The following FAM72B variants were observed in gnomAD, a reference collection of about 807,000 sequenced individuals.
FAM72B encodes protein FAM72B.
A neutral mutation model predicts 12.6 loss-of-function variants in FAM72B; 4 were observed. The ratio of observed to expected loss-of-function variants is 0.32; its 90% CI spans 0.16 to 0.73. The LOEUF (loss-of-function observed/expected upper bound fraction) is 0.73. Among genes scored for constraint, FAM72B ranks in the 30% least tolerant of loss-of-function variants. The probability of loss-of-function intolerance (pLI) is 0.67; values close to 1 mark genes in which losing one functional copy is unlikely to be tolerated. For missense variants in FAM72B, 61 were observed against 158.4 expected (o/e 0.39, Z 3.30); for synonymous variants, 13 against 53.9 (o/e 0.24, Z 3.32).
chr1:121,168,867 G>A (rs782496544), intron 3 of FAM72B, 32 bp from the exon 4 acceptor site: 2 of 1,588,812 alleles, frequency 1.3e-6, no homozygotes, highest in East Asian at 4.5e-5. Context: ...ATTCTTTAAT[G>A]CTTACTACTG....
At chr1:121,181,582 C>T (rs1654334096) in intron 1 of FAM72B, among the ~76,000 whole-genome samples, 1 of 149,174 alleles carries the variant, frequency 6.7e-6, no homozygotes, top group African/African-American at 2.5e-5. Flanking sequence ...TTTATCTGTT[C>T]ATCTGTAGAA....
At chr1:121,178,750 T>A (rs1356373427) in intron 2 of FAM72B, among the ~76,000 whole-genome samples, 1 of 151,896 alleles carries the variant, frequency 6.6e-6, no homozygotes, top group African/African-American at 2.4e-5. Context: ...CTAGCGAGGC[T>A]ACATCAGATC....
chr1:121,180,420 G>A (rs1460322507), intron 2 of FAM72B, among the ~76,000 whole-genome samples: 15 of 134,490 alleles, frequency 1.1e-4, no homozygotes, highest in Non-Finnish European at 1.7e-4. Context: ...ATGGTGGTGC[G>A]TGCATGTAAT....
At chr1:121,174,917 G>A (rs780898694) in intron 3 of FAM72B, among the ~76,000 whole-genome samples, 5 of 151,926 alleles carry the variant, frequency 3.3e-5, no homozygotes, top group Admixed American at 6.6e-5. Context: ...CAAAGTCCTG[G>A]GATTATAGGC....
chr1:121,173,098 A>G (rs1394817723), intron 3 of FAM72B, among the ~76,000 whole-genome samples: 5 of 151,028 alleles, frequency 3.3e-5, no homozygotes, highest in Non-Finnish European at 7.4e-5. Context: ...AAAAAGAATT[A>G]GTATTTCAGT....
chr1:121,168,667 C>T lies in FAM72B; in HGVS notation c.*74G>A, dbSNP rs1654021390. 1 of 1,204,442 alleles carries T rather than the reference C, an allele frequency of 8.3e-7. No homozygotes were observed. Among genetic ancestry groups the T allele is most frequent in the African/African-American group, 1.6e-5 (1 of 62,216 alleles). 74.6% of individuals were successfully genotyped at this position (1,204,442 alleles called of 1,614,324 possible). ...TCCAAAAAAGATCACTGGCAACTAACAATTTTAAAGTTGATCCATTAATAT... is the reference window on the plus strand; with the variant it reads ...TCCAAAAAAGATCACTGGCAACTAATAATTTTAAAGTTGATCCATTAATAT... On this transcript the variant is annotated 3_prime_UTR_variant, in exon 4 of 4. Coordinates refer to ENST00000369390, the MANE Select transcript of FAM72B (RefSeq NM_001100910.2).
intron 2 of FAM72B, among the ~76,000 whole-genome samples, chr1:121,179,890 T>A (rs1258381134): frequency 7.1e-6 from 1 of 141,254 alleles, no homozygotes; most frequent in Non-Finnish European, 1.5e-5. Flanking sequence ...CTTCATCTAG[T>A]TTTTGTTGTA....
chr1:121,172,591 C>T (rs1199886962), intron 3 of FAM72B, among the ~76,000 whole-genome samples: 10 of 144,532 alleles, frequency 6.9e-5, no homozygotes, highest in South Asian at 2.1e-4. Context: ...GGCAAAACCC[C>T]GTCCCTACTA....
intron 3 of FAM72B, among the ~76,000 whole-genome samples, chr1:121,174,884 G>C (rs1654179675): frequency 6.6e-6 from 1 of 151,818 alleles, no homozygotes; most frequent in Non-Finnish European, 1.5e-5. Context: ...TTGACCTCAG[G>C]TGATCCATCC....
chr1:121,176,721 A>T (rs1192543386), intron 3 of FAM72B, among the ~76,000 whole-genome samples: 1 of 150,178 alleles, frequency 6.7e-6, no homozygotes, highest in Non-Finnish European at 1.5e-5. Flanking sequence ...CCTTGACTAA[A>T]ATTCTGTCAT....
At chr1:121,174,455 C>T (rs1351190447) in intron 3 of FAM72B, among the ~76,000 whole-genome samples, 6 of 144,148 alleles carry the variant, frequency 4.2e-5, no homozygotes, top group African/African-American at 7.7e-5. Context: ...GCAACCTCCG[C>T]CTCCCGGGTT....
chr1:121,179,495 C>T (rs1654284510), intron 2 of FAM72B, among the ~76,000 whole-genome samples: 3 of 151,250 alleles, frequency 2.0e-5, no homozygotes, highest in South Asian at 2.1e-4. Context: ...ACCAGCCTGG[C>T]TAACATGGCG....
intron 3 of FAM72B, among the ~76,000 whole-genome samples, chr1:121,174,727 G>A (rs1305433363): frequency 1.4e-5 from 2 of 144,822 alleles, no homozygotes; most frequent in East Asian, 4.1e-4. Context: ...TGCGATCTCG[G>A]CTCACTTCAA....
At chr1:121,169,554 G>A (rs1209227039) in intron 3 of FAM72B, among the ~76,000 whole-genome samples, 1 of 151,934 alleles carries the variant, frequency 6.6e-6, no homozygotes, top group Non-Finnish European at 1.5e-5. Flanking sequence ...CCTCTTTGGA[G>A]GGTTCAGGGA....
exon 1 of FAM72B, chr1:121,184,336 GCCTCTCC>G: frequency 6.7e-6 from 1 of 149,144 alleles, no homozygotes; most frequent in Middle Eastern, 3.4e-3. Context: ...CGCTTTTCCT[GCCTCTCC>G]AACCCGGTAT....
chr1:121,174,696 G>A (rs1409855112), intron 3 of FAM72B, among the ~76,000 whole-genome samples: 3 of 146,946 alleles, frequency 2.0e-5, no homozygotes, highest in Admixed American at 6.8e-5. Flanking sequence ...TTCAGATGGA[G>A]TTTCACTCTT....
chr1:121,175,066 C>G (rs1163431149), intron 3 of FAM72B, among the ~76,000 whole-genome samples: 1 of 151,982 alleles, frequency 6.6e-6, no homozygotes, highest in African/African-American at 2.4e-5. Context: ...GGCTGAATCT[C>G]TTGTTAGAGG....
intron 3 of FAM72B, among the ~76,000 whole-genome samples, chr1:121,175,133 T>C (rs1230228862): frequency 9.2e-5 from 14 of 152,184 alleles, no homozygotes; most frequent in Non-Finnish European, 1.5e-4. Flanking sequence ...TTCTGAAATT[T>C]CTAGGGTTCT....
At chr1:121,178,697 C>T (rs1423025803) in intron 2 of FAM72B, among the ~76,000 whole-genome samples, 1 of 152,000 alleles carries the variant, frequency 6.6e-6, no homozygotes, top group Non-Finnish European at 1.5e-5. Flanking sequence ...TAGGAATACA[C>T]TGGTAAACAA....
Sources: allele counts gnomAD v4.1 joint callset (sites outside exome capture counted in the v4.1 genomes callset), GRCh38; gene constraint gnomAD v4.1.1; transcripts MANE v1.5; gene names NCBI Gene and HGNC (gene_info 2026-07-23, HGNC 2026-07-21).